Variants in LIFR observed in about 807,000 individuals in gnomAD.
LIFR encodes the protein leukemia inhibitory factor receptor.
A neutral mutation model predicts 122.2 loss-of-function variants in LIFR; 84 were observed. The observed-to-expected ratio is 0.69, with a 90% CI of 0.58 to 0.82. The LOEUF (loss-of-function observed/expected upper bound fraction) is 0.82, where lower values mean the gene tolerates loss of function less well. Ranked by LOEUF, LIFR falls within the 40% of genes least tolerant of loss-of-function variation. The pLI, the probability that LIFR is intolerant of heterozygous loss-of-function variation, is 0.00. For missense variants in LIFR, 1,294 were observed against 1,311.6 expected, an observed-to-expected ratio of 0.99 and a Z score of 0.21; for synonymous variants, 422 against 434.7, an observed-to-expected ratio of 0.97 and a Z score of 0.36.
intron 13 of LIFR, 138 bp downstream of exon 13, chr5:38,496,244 A>G (rs1744868406): frequency 1.4e-6 from 1 of 732,034 alleles, no homozygotes; most frequent in Non-Finnish European, 2.4e-6. Flanking sequence ...GTAGACATCA[A>G]TCTGCTCATT....
intron 1 of LIFR, chr5:38,608,113 G>A (rs1561239779): frequency 6.6e-6 from 1 of 151,970 alleles, no homozygotes; most frequent in East Asian, 1.9e-4. Context: ...GGGAAAAGGA[G>A]GTAGAGACAG....
Position 38,527,245 on chromosome 5 carries a change from G to A in LIFR, c.307C>T (p.Leu103Phe). 1 of 1,600,952 alleles carries A rather than the reference G, an allele frequency of 6.2e-7. No homozygotes were observed. The part of the protein sequence containing the change: ...LEKTSIKIPA[L>F]SHGDYEITIN... ...GTTATTTCATAATCACCATGTGAAA[G>A]AGCTGGAATTTTAATACTGGTTTTC... is the stretch of plus-strand genomic sequence containing the variant. The change falls in exon 4 of 20, where the codon CTT (leucine) becomes TTT (phenylalanine). Residue 103 changes from leucine (L) to phenylalanine (F), a missense_variant. Leu to Phe is a conservative substitution (Grantham distance 22). Coordinates refer to ENST00000453190, the MANE Select transcript of LIFR (RefSeq NM_001127671.2).
intron 1 of LIFR, chr5:38,594,777 T>C (rs1450104347): frequency 1.7e-5 from 3 of 180,502 alleles, no homozygotes; most frequent in East Asian, 1.8e-4. Flanking sequence ...TCTAATGTAG[T>C]TATATGTGAT....
rs1743746159 is a variant in LIFR at position 38,476,825 on chromosome 5, T to C, written c.*4770A>G. On this transcript the variant is annotated 3_prime_UTR_variant, in exon 20 of 20. Coordinates refer to ENST00000453190, the MANE Select transcript of LIFR (RefSeq NM_001127671.2). ...CTTAACACACAACTTTTAATTCTCA[T>C]GAAAATGTTGCACAGTTAGAATTTG... 1 of 212,454 alleles carries C rather than the reference T, an allele frequency of 4.7e-6. No individual in the cohort carries two copies. Among genetic ancestry groups the C allele is most frequent in the Non-Finnish European group, 9.5e-6 (1 of 105,046 alleles). 13.2% of individuals were successfully genotyped at this position (212,454 alleles called of 1,614,324 possible). A position where few individuals can be genotyped will look rare whatever the true frequency, so the allele number is the denominator to read the frequency against.
In LIFR at chr5:38,475,694, T is replaced by C. The variant is rs990230466; in HGVS notation, c.*5901A>G. 7 of 188,260 alleles carry C rather than the reference T, an allele frequency of 3.7e-5. No homozygotes were observed. In the Admixed American group the frequency reaches 4.3e-4, roughly 12 times the overall value. 11.7% of individuals were successfully genotyped at this position (188,260 alleles called of 1,614,324 possible). A position where few individuals can be genotyped will look rare whatever the true frequency, so the allele number is the denominator to read the frequency against. ...AGTATGTGTATTTTGTAAACAGTAA[T>C]TCACTATAATGCAATTTTGAAAGTA... On this transcript the variant is annotated 3_prime_UTR_variant, in exon 20 of 20. Transcript: ENST00000453190.
chr5:38,523,299 A>C (rs1421360956), intron 5 of LIFR, 120 bp downstream of exon 5: 1 of 751,886 alleles, frequency 1.3e-6, no homozygotes, highest in African/African-American at 1.8e-5. Flanking sequence ...TGAACCCTGA[A>C]AGGTATCTGA....
chr5:38,566,714 C>G (rs1009363868), intron 1 of LIFR, among the ~76,000 whole-genome samples: 7 of 152,236 alleles, frequency 4.6e-5, no homozygotes, highest in Admixed American at 1.3e-4. Flanking sequence ...ACAGTCATCC[C>G]TTTTCCTGGT....
chr5:38,537,520 T>C (rs1561188518), intron 1 of LIFR, among the ~76,000 whole-genome samples: 1 of 152,224 alleles, frequency 6.6e-6, no homozygotes, highest in Non-Finnish European at 1.5e-5. Flanking sequence ...CTTTTAACGA[T>C]GAAGTGCTCT....
At chr5:38,564,459 C>G (rs1426200848) in intron 1 of LIFR, among the ~76,000 whole-genome samples, 1 of 151,936 alleles carries the variant, frequency 6.6e-6, no homozygotes, top group Non-Finnish European at 1.5e-5. Flanking sequence ...TCAAAGGATC[C>G]TCCCATCTCA....
intron 5 of LIFR, among the ~76,000 whole-genome samples, chr5:38,522,164 T>C (rs563215892): frequency 1.3e-5 from 2 of 152,298 alleles, no homozygotes; most frequent in African/African-American, 4.8e-5. Context: ...CTAGTCTCAG[T>C]AGCTGTAGTC....
At chr5:38,572,996 C>T (rs1169573769) in intron 1 of LIFR, among the ~76,000 whole-genome samples, 2 of 152,212 alleles carry the variant, frequency 1.3e-5, no homozygotes, top group African/African-American at 2.4e-5. Flanking sequence ...CTGTCACTCT[C>T]CTGTGTTCTA....
chr5:38,506,742 A>G, intron 7 of LIFR, 110 bp from the exon 8 acceptor site: 1 of 919,528 alleles, frequency 1.1e-6, no homozygotes, highest in Non-Finnish European at 1.7e-6. Context: ...GAAATAATTT[A>G]CTATTTACAT....
chr5:38,589,939 C>A (rs1197974249), intron 1 of LIFR, among the ~76,000 whole-genome samples: 1 of 152,130 alleles, frequency 6.6e-6, no homozygotes, highest in Admixed American at 6.5e-5. Context: ...TAATTGGAAC[C>A]AAACCATCTA....
At chr5:38,543,995 C>A (rs1252471836) in intron 1 of LIFR, among the ~76,000 whole-genome samples, 1 of 152,022 alleles carries the variant, frequency 6.6e-6, no homozygotes, top group Non-Finnish European at 1.5e-5. Flanking sequence ...TTTATTCAAG[C>A]AAAAAAACCT....
chr5:38,570,460 G>A (rs1390741544), intron 1 of LIFR, among the ~76,000 whole-genome samples: 1 of 152,122 alleles, frequency 6.6e-6, no homozygotes. Context: ...CCTTTAATGA[G>A]TGAGGATTTT....
At chr5:38,515,931 T>C (rs1746054902) in intron 5 of LIFR, among the ~76,000 whole-genome samples, 1 of 152,140 alleles carries the variant, frequency 6.6e-6, no homozygotes, top group African/African-American at 2.4e-5. Flanking sequence ...TATAAAATAA[T>C]AGCATTAGTG....
chr5:38,521,131 T>C (rs1449743785), intron 5 of LIFR, among the ~76,000 whole-genome samples: 6 of 152,186 alleles, frequency 3.9e-5, no homozygotes, highest in Admixed American at 1.3e-4. Flanking sequence ...GTTTTCCTTA[T>C]AGAGATCTTC....
chr5:38,495,106 C>G (rs1322688706), intron 13 of LIFR, among the ~76,000 whole-genome samples: 1 of 152,096 alleles, frequency 6.6e-6, no homozygotes, highest in East Asian at 1.9e-4. Flanking sequence ...GCAGAGCCTC[C>G]CTCCACTCGG....
intron 1 of LIFR, among the ~76,000 whole-genome samples, chr5:38,543,097 A>G (rs2112617224): frequency 6.6e-6 from 1 of 152,250 alleles, no homozygotes; most frequent in South Asian, 2.1e-4. Flanking sequence ...TGCAACTCAC[A>G]TACTAAGAAA....
Sources: allele counts gnomAD v4.1 joint callset (sites outside exome capture counted in the v4.1 genomes callset), GRCh38; gene constraint gnomAD v4.1.1; transcripts MANE v1.5; gene names NCBI Gene and HGNC (gene_info 2026-07-23, HGNC 2026-07-21).